The following PLPP4 variants were observed in gnomAD, a reference collection of about 807,000 sequenced individuals.
PLPP4 encodes the protein diacylglycerol pyrophosphate like 2.
In PLPP4, 20 loss-of-function variants were observed where a neutral mutation model predicts 32.2. The observed-to-expected ratio is 0.62, with a 90% CI of 0.44 to 0.90. The LOEUF (loss-of-function observed/expected upper bound fraction) is 0.90, where lower values mean the gene tolerates loss of function less well. Among genes scored for constraint, PLPP4 ranks in the 40% least tolerant of loss-of-function variants. PLPP4 has a pLI of 0.00. For synonymous variants in PLPP4, 127 were observed against 133.0 expected, an observed-to-expected ratio of 0.95 and a Z score of 0.31; for missense variants, 257 against 353.1, an observed-to-expected ratio of 0.73 and a Z score of 2.18.
Position 120,573,267 on chromosome 10 carries a change from C to T in PLPP4, c.446-1864C>T, listed in dbSNP as rs139221205. Reference sequence around the variant, plus strand: ...TTCTTTTGCTGCATCTTTATACCTACGATAAACCTGGTTTAATATTCCATT... The same window carrying T: ...TTCTTTTGCTGCATCTTTATACCTATGATAAACCTGGTTTAATATTCCATT... On this transcript the variant is annotated intron_variant, in intron 5 of 6. Transcript: ENST00000398250. 4.0e-3 allele frequency among the ~76,000 whole-genome samples: 608 copies of T among 152,284 alleles called. 5 individuals carry two copies. Among genetic ancestry groups the T allele is most frequent in the African/African-American group, 0.013 (548 of 41,552 alleles).
intron 2 of PLPP4, among the ~76,000 whole-genome samples, chr10:120,510,697 T>C (rs12770951): frequency 0.47 from 71,830 of 152,014 alleles, 17,260 homozygotes; most frequent in East Asian, 0.66. Context: ...TGTTTTGCCC[T>C]AGGAGGAAGT....
intron 5 of PLPP4, among the ~76,000 whole-genome samples, chr10:120,555,170 T>C (rs1848099084): frequency 6.6e-6 from 1 of 151,946 alleles, no homozygotes; most frequent in South Asian, 2.1e-4. Flanking sequence ...AGAACCTACA[T>C]AGCAAAATAC....
chr10:120,513,075 T>C (rs570645867), intron 2 of PLPP4, among the ~76,000 whole-genome samples: 1 of 152,290 alleles, frequency 6.6e-6, no homozygotes, highest in East Asian at 1.9e-4. Flanking sequence ...AAAATGCCTT[T>C]TATATGGTTG....
At chr10:120,484,400 G>T (rs1048813084) in intron 1 of PLPP4, among the ~76,000 whole-genome samples, 1 of 152,184 alleles carries the variant, frequency 6.6e-6, no homozygotes, top group Non-Finnish European at 1.5e-5. Flanking sequence ...TGTTTCTGGA[G>T]ATTAGGAAGT....
chr10:120,589,625 TCTG>T lies in PLPP4; in HGVS notation c.*126_*128del, dbSNP rs1849930966. ...AGTTGTTTCTCAAAGTCATCGTACTTCTGCTTCTGTTTCACTGATGGTGTTCCT... is the reference window on the plus strand; with the variant it reads ...AGTTGTTTCTCAAAGTCATCGTACTTCTTCTGTTTCACTGATGGTGTTCCT... On this transcript the variant is annotated 3_prime_UTR_variant, in exon 7 of 7. Coordinates refer to ENST00000398250, the MANE Select transcript of PLPP4 (RefSeq NM_001030059.3). 2.9e-5 allele frequency: 21 copies of T among 736,488 alleles called. No individual in the cohort carries two copies. In the South Asian group the frequency reaches 4.2e-4, roughly 15 times the overall value. 45.6% of individuals were successfully genotyped at this position (736,488 alleles called of 1,614,324 possible).
intron 5 of PLPP4, among the ~76,000 whole-genome samples, chr10:120,558,144 A>T (rs1333799111): frequency 6.6e-6 from 1 of 151,368 alleles, no homozygotes; most frequent in Non-Finnish European, 1.5e-5. Context: ...CTGGTGGCTG[A>T]TCCTTCTCTC....
intron 5 of PLPP4, among the ~76,000 whole-genome samples, chr10:120,531,532 G>A (rs1201819264): frequency 1.3e-5 from 2 of 152,038 alleles, no homozygotes; most frequent in East Asian, 3.8e-4. Flanking sequence ...CTGCCCTCAA[G>A]TTACAAATCT....
At chr10:120,589,123 C>G (rs781695994) in intron 6 of PLPP4, among the ~76,000 whole-genome samples, 180 bp from the exon 7 acceptor site, 5 of 152,160 alleles carry the variant, frequency 3.3e-5, no homozygotes, top group Non-Finnish European at 5.9e-5. Flanking sequence ...TATTTCAGTA[C>G]CAGAAATGCT....
At chr10:120,473,306 T>G (rs1365095704) in intron 1 of PLPP4, among the ~76,000 whole-genome samples, 1 of 147,352 alleles carries the variant, frequency 6.8e-6, no homozygotes, top group Non-Finnish European at 1.5e-5. Flanking sequence ...ATCTATCTTG[T>G]TTTTTTTTTC....
At position 120,518,882 on chromosome 10, in the gene PLPP4, A is replaced by G; in HGVS notation, c.306A>G (p.Lys102=). The part of the protein sequence containing the change: ...ALNGVCTNTI[K]LIVGRPRPDF... ...ATGGAGTCTGCACAAACACTATTAA[A>G]TTAATAGTGGGAAGGTAAGTTCCAA... is the stretch of plus-strand genomic sequence containing the variant. The change falls in exon 4 of 7, where the codon AAA becomes AAG. Residue 102 remains lysine, a synonymous_variant. Coordinates refer to ENST00000398250, the MANE Select transcript of PLPP4 (RefSeq NM_001030059.3). 1 of 1,610,566 alleles carries G rather than the reference A, an allele frequency of 6.2e-7. No individual in the cohort carries two copies. Among genetic ancestry groups the G allele is most frequent in the Non-Finnish European group, 8.5e-7 (1 of 1,177,660 alleles).
At chr10:120,587,838 T>C (rs1849832555) in intron 6 of PLPP4, among the ~76,000 whole-genome samples, 1 of 152,242 alleles carries the variant, frequency 6.6e-6, no homozygotes, top group South Asian at 2.1e-4. Context: ...AGTGCGTTGC[T>C]TACTGGGAAG....
At position 120,457,243 on chromosome 10, in the gene PLPP4, G is replaced by T. The variant is rs1185451509; in HGVS notation, c.-63G>T. 1.6e-5 allele frequency: 22 copies of T among 1,353,400 alleles called. 1 individual carries two copies. Among genetic ancestry groups the T allele is most frequent in the Middle Eastern group, 2.1e-4 (1 of 4,654 alleles). The allele number at this position is 1,353,400 out of a possible 1,614,324, so 83.8% of individuals were successfully genotyped here. Reference sequence around the variant, plus strand: ...TCCCAGGGTCTGGCGAGCCGGCGCCGGCCGAGCTGCGGGAGCCGCGGAGAG... The same window carrying T: ...TCCCAGGGTCTGGCGAGCCGGCGCCTGCCGAGCTGCGGGAGCCGCGGAGAG... On this transcript the variant is annotated 5_prime_UTR_variant, in exon 1 of 7. Coordinates refer to ENST00000398250, the MANE Select transcript of PLPP4 (RefSeq NM_001030059.3).
intron 5 of PLPP4, among the ~76,000 whole-genome samples, chr10:120,550,704 G>A (rs1369096300): frequency 1.3e-5 from 2 of 151,422 alleles, no homozygotes; most frequent in African/African-American, 2.4e-5. Flanking sequence ...TAAAAGTGTG[G>A]GAAAAAAGTA....
chr10:120,518,834 G>C lies in PLPP4; in HGVS notation c.258G>C (p.Ala86=), dbSNP rs373059730. The C allele has an allele frequency of 6.2e-7, 1 of 1,610,894 alleles. No individual in the cohort carries two copies. The highest frequency in any genetic ancestry group is 8.5e-7 in the Non-Finnish European group (1 of 1,178,262). ...DKTEIKEAFL[A]VSLALALNGV... ...CTGTCTGTTGGTTTTGTTTTGTAGC[G>C]GTGTCCTTGGCTCTTGCTTTGAATG... The change falls in exon 4 of 7, where the codon GCG becomes GCC. Residue 86 remains alanine (A), a splice_region_variant and synonymous_variant. Transcript: ENST00000398250.
chr10:120,581,137 C>T (rs1409523274), intron 6 of PLPP4: 1 of 985,310 alleles, frequency 1.0e-6, no homozygotes, highest in African/African-American at 1.7e-5. Context: ...CTGCCCTCTT[C>T]CTGCCTCCAG....
intron 1 of PLPP4, among the ~76,000 whole-genome samples, chr10:120,473,243 C>T (rs1364206038): frequency 1.3e-5 from 2 of 151,510 alleles, no homozygotes; most frequent in Non-Finnish European, 2.9e-5. Context: ...AGTTAATTTA[C>T]TTTTGGGTCA....
intron 5 of PLPP4, among the ~76,000 whole-genome samples, chr10:120,569,964 A>G (rs1001629114): frequency 6.6e-6 from 1 of 152,218 alleles, no homozygotes; most frequent in South Asian, 2.1e-4. Flanking sequence ...CTCTATTTAA[A>G]GAGAACACAT....
At chr10:120,515,923 C>T (rs1845917793) in intron 3 of PLPP4, among the ~76,000 whole-genome samples, 1 of 152,196 alleles carries the variant, frequency 6.6e-6, no homozygotes, top group African/African-American at 2.4e-5. Flanking sequence ...GCTGCTGTCA[C>T]AGCAGTAAGT....
intron 5 of PLPP4, among the ~76,000 whole-genome samples, chr10:120,560,041 G>A (rs1848346544): frequency 6.6e-6 from 1 of 152,218 alleles, no homozygotes; most frequent in African/African-American, 2.4e-5. Context: ...TCACCTTCAC[G>A]TGAGCAGTTC....
Sources: gnomAD v4.1 joint callset for allele counts (sites outside exome capture counted in the v4.1 genomes callset) on GRCh38, gnomAD v4.1.1 for gene constraint, MANE v1.5 for transcripts, NCBI Gene and HGNC (gene_info 2026-07-23, HGNC 2026-07-21) for gene names.